The following SYN3 variants were observed in gnomAD, a reference collection of about 807,000 sequenced individuals.
SYN3 encodes the protein synapsin III, also known as synapsin-3.
Under a neutral mutation model 65.8 loss-of-function variants are expected in SYN3, and 35 were observed. That is an observed-to-expected ratio of 0.53 (90% confidence interval 0.41 to 0.70). The LOEUF is 0.70. SYN3 is among the 30% of genes least tolerant of loss of function. The pLI is 0.00. For missense variants in SYN3, 680 were observed against 749.0 expected (o/e 0.91, Z 1.08); for synonymous variants, 270 against 292.9 (o/e 0.92, Z 0.80).
intron 6 of SYN3, among the ~76,000 whole-genome samples, chr22:32,642,502 G>A (rs953703996): frequency 2.5e-4 from 37 of 150,936 alleles, no homozygotes; most frequent in Admixed American, 5.9e-4. Context: ...GTGCAGTGGC[G>A]CAATCGCGGC....
chr22:33,039,461 C>T (rs1239569690), intron 1 of SYN3, among the ~76,000 whole-genome samples: 18 of 151,488 alleles, frequency 1.2e-4, no homozygotes, highest in African/African-American at 2.7e-4. Context: ...CTGCAACCTC[C>T]GCCTCCTGGG....
In SYN3 at chr22:32,699,938, C is replaced by T. The variant is rs141203592; in HGVS notation, c.712-103202G>A. On this transcript the variant is annotated intron_variant, in intron 6 of 13. Transcript: ENST00000358763. Reference sequence around the variant, plus strand: ...AAATAGAAGAGCACTTTGAGGTCATCGAATCCAATCTTCTTAGTTTTAGAT... The same window carrying T: ...AAATAGAAGAGCACTTTGAGGTCATTGAATCCAATCTTCTTAGTTTTAGAT... Among the ~76,000 whole-genome samples, 1,110 of 152,230 alleles carry T rather than the reference C, an allele frequency of 7.3e-3. 15 individuals carry two copies. Among genetic ancestry groups the T allele is most frequent in the African/African-American group, 0.026 (1,064 of 41,540 alleles).
At chr22:32,895,450 G>A (rs1276062623) in intron 4 of SYN3, among the ~76,000 whole-genome samples, 2 of 152,094 alleles carry the variant, frequency 1.3e-5, no homozygotes, top group Non-Finnish European at 2.9e-5. Flanking sequence ...TTTCTCTGAA[G>A]AACTCAGACT....
chr22:32,712,575 T>C (rs898385026), intron 6 of SYN3, among the ~76,000 whole-genome samples: 22 of 152,148 alleles, frequency 1.4e-4, no homozygotes, highest in African/African-American at 4.8e-4. Context: ...CACAAGACCA[T>C]GTGATTTGGG....
chr22:32,745,880 G>A (rs1169778628), intron 6 of SYN3, among the ~76,000 whole-genome samples: 2 of 152,154 alleles, frequency 1.3e-5, no homozygotes, highest in African/African-American at 4.8e-5. Context: ...AAGAGAAGAC[G>A]CTCCAGCCAG....
chr22:32,867,529 TC>T (rs1466455088), intron 5 of SYN3, among the ~76,000 whole-genome samples: 1 of 151,844 alleles, frequency 6.6e-6, no homozygotes, highest in African/African-American at 2.4e-5. Context: ...GAGATAAGTA[TC>T]TAGGAAAAAA....
At position 32,533,670 on chromosome 22, in the gene SYN3, G is replaced by C. The variant is rs986861608; in HGVS notation, c.1095+123C>G. ...CTCCAGAAGCAACTCACTGAGGCCT[G>C]GGTTGCGTGTGCCCTGGAGCCAGGA... On this transcript the variant is annotated intron_variant, in intron 10 of 13. Coordinates refer to ENST00000358763, the MANE Select transcript of SYN3 (RefSeq NM_003490.4). The C allele has an allele frequency of 1.7e-5, 11 of 638,964 alleles. No individual in the cohort carries two copies. The African/African-American group carries it at 2.0e-4, about 11-fold the overall frequency. The allele number at this position is 638,964 out of a possible 1,614,324, so 39.6% of individuals were successfully genotyped here. A position where few individuals can be genotyped will look rare whatever the true frequency, so the allele number is the denominator to read the frequency against.
chr22:32,738,421 G>A (rs1602023428), intron 6 of SYN3, among the ~76,000 whole-genome samples: 1 of 152,338 alleles, frequency 6.6e-6, no homozygotes, highest in Non-Finnish European at 1.5e-5. Flanking sequence ...AAATTGACAG[G>A]TGGGATCCTT....
At chr22:32,948,791 A>C (rs1413670490) in intron 3 of SYN3, among the ~76,000 whole-genome samples, 2 of 149,880 alleles carry the variant, frequency 1.3e-5, no homozygotes, top group Non-Finnish European at 3.0e-5. Flanking sequence ...TTTTCTTCTT[A>C]TTTCATGTTC....
At chr22:32,631,156 G>T (rs575361519) in intron 6 of SYN3, among the ~76,000 whole-genome samples, 84 of 152,240 alleles carry the variant, frequency 5.5e-4, no homozygotes, top group African/African-American at 2.0e-3. Context: ...TTAACTGGGC[G>T]TGGTGGCATG....
chr22:32,712,747 C>A (rs936212594), intron 6 of SYN3, among the ~76,000 whole-genome samples: 3 of 152,156 alleles, frequency 2.0e-5, no homozygotes, highest in Non-Finnish European at 4.4e-5. Flanking sequence ...AGCTTCAGAC[C>A]CACTGGCATT....
At chr22:32,751,594 T>C (rs1602058025) in intron 6 of SYN3, among the ~76,000 whole-genome samples, 1 of 152,164 alleles carries the variant, frequency 6.6e-6, no homozygotes, top group African/African-American at 2.4e-5. Flanking sequence ...TTTCTGGTGG[T>C]GACCTTGGCA....
In SYN3 at chr22:32,650,250, C is replaced by T. The variant is rs1166712395; in HGVS notation, c.712-53514G>A. On this transcript the variant is annotated intron_variant, in intron 6 of 13. Transcript: ENST00000358763. ...CTCTCTCTCCCTCCCTCCCTCCCTC[C>T]CTCCCTCCCTCTCTCTCTCTCTCTC... Among the ~76,000 whole-genome samples, 147 of 102,488 alleles carry T rather than the reference C, an allele frequency of 1.4e-3. 1 individual carries two copies. The highest frequency in any genetic ancestry group is 7.9e-3 in the African/African-American group (121 of 15,396). The allele number at this position is 102,488 out of a possible 152,430, so 67.2% of individuals were successfully genotyped here.
At chr22:32,532,667 C>T (rs2058096546) in intron 10 of SYN3, among the ~76,000 whole-genome samples, 1 of 152,172 alleles carries the variant, frequency 6.6e-6, no homozygotes. Flanking sequence ...TGGGCTCCCA[C>T]CCACTGAGTC....
At chr22:32,945,660 G>A (rs2051085652) in intron 3 of SYN3, among the ~76,000 whole-genome samples, 1 of 152,134 alleles carries the variant, frequency 6.6e-6, no homozygotes, top group Non-Finnish European at 1.5e-5. Context: ...AACACCAAAA[G>A]CAATGGCAAC....
chr22:32,593,480 C>T (rs1027351391), intron 7 of SYN3, among the ~76,000 whole-genome samples: 2 of 152,054 alleles, frequency 1.3e-5, no homozygotes, highest in African/African-American at 4.8e-5. Context: ...TAACAAGGGG[C>T]AATTGACAAG....
intron 9 of SYN3, among the ~76,000 whole-genome samples, chr22:32,536,161 G>T (rs1421531879): frequency 6.6e-6 from 1 of 152,206 alleles, no homozygotes; most frequent in Non-Finnish European, 1.5e-5. Context: ...CTCACATTCC[G>T]GAAGGGCCAT....
chr22:33,056,282 C>A (rs1280629520), intron 1 of SYN3, among the ~76,000 whole-genome samples: 3 of 152,182 alleles, frequency 2.0e-5, no homozygotes, highest in African/African-American at 7.2e-5. Context: ...GAAATGAATA[C>A]TTTTAAGATA....
Position 32,944,861 on chromosome 22 carries a change from A to G in SYN3, c.370-13380T>C, listed in dbSNP as rs147418956. Among the ~76,000 whole-genome samples, 1,196 of 152,356 alleles carry G rather than the reference A, an allele frequency of 7.9e-3. 20 individuals carry two copies. Among genetic ancestry groups the G allele is most frequent in the African/African-American group, 0.028 (1,160 of 41,582 alleles). Reference sequence around the variant, plus strand: ...TCAGCAGTCTCAGGATACAAAATCAATATGCAAAAATCACAAGCATTCTTA... The same window carrying G: ...TCAGCAGTCTCAGGATACAAAATCAGTATGCAAAAATCACAAGCATTCTTA... On this transcript the variant is annotated intron_variant, in intron 3 of 13. Transcript: ENST00000358763.
Sources: gnomAD v4.1 joint callset for allele counts (sites outside exome capture counted in the v4.1 genomes callset) on GRCh38, gnomAD v4.1.1 for gene constraint, MANE v1.5 for transcripts, NCBI Gene and HGNC (gene_info 2026-07-23, HGNC 2026-07-21) for gene names.